ITGA8: variants seen among roughly 807,000 people sequenced by gnomAD.
ITGA8 encodes integrin alpha-8.
In ITGA8, 91 loss-of-function variants were observed where a neutral mutation model predicts 142.3. That is an observed-to-expected ratio of 0.64 (90% confidence interval 0.54 to 0.76). The LOEUF is 0.76. Ranked by LOEUF, ITGA8 falls within the 30% of genes least tolerant of loss-of-function variation. The pLI is 0.00. For missense variants in ITGA8, 1,406 were observed against 1,327.7 expected, an observed-to-expected ratio of 1.06 and a Z score of -0.92; for synonymous variants, 505 against 485.2, an observed-to-expected ratio of 1.04 and a Z score of -0.54.
chr10:15,589,419 G>GT (rs1285698035), intron 22 of ITGA8, among the ~76,000 whole-genome samples: 1 of 152,120 alleles, frequency 6.6e-6, no homozygotes, highest in Non-Finnish European at 1.5e-5. Flanking sequence ...TGTTTATGTC[G>GT]TGTAGAGTGA....
At chr10:15,603,437 A>G (rs370351866) in intron 20 of ITGA8, among the ~76,000 whole-genome samples, 1 of 152,216 alleles carries the variant, frequency 6.6e-6, no homozygotes, top group East Asian at 1.9e-4. Context: ...ATCCTATGAA[A>G]GGAAACGTGA....
intron 2 of ITGA8, among the ~76,000 whole-genome samples, chr10:15,709,530 A>G (rs143445919): frequency 7.9e-5 from 12 of 152,354 alleles, no homozygotes; most frequent in African/African-American, 2.9e-4. Context: ...GATGTTTGAC[A>G]CTACTTCATG....
intron 27 of ITGA8, among the ~76,000 whole-genome samples, chr10:15,538,134 A>G (rs890494775): frequency 2.4e-4 from 37 of 152,300 alleles, no homozygotes; most frequent in Middle Eastern, 3.4e-3. Flanking sequence ...AGAAAACAAT[A>G]AAAAGCAACA....
chr10:15,639,143 A>T (rs1833823915), intron 13 of ITGA8, among the ~76,000 whole-genome samples: 1 of 151,902 alleles, frequency 6.6e-6, no homozygotes, highest in South Asian at 2.1e-4. Flanking sequence ...AAAAAAAAAA[A>T]AAGTTGCCCC....
chr10:15,707,821 TAAA>T (rs570962683), intron 2 of ITGA8, among the ~76,000 whole-genome samples: 2 of 117,576 alleles, frequency 1.7e-5, no homozygotes, highest in Non-Finnish European at 1.8e-5. Flanking sequence ...AGTTTCCTTC[TAAA>T]AAAAAAAAAA....
intron 13 of ITGA8, among the ~76,000 whole-genome samples, chr10:15,642,686 T>C (rs1833892599): frequency 6.6e-6 from 1 of 152,222 alleles, no homozygotes; most frequent in Admixed American, 6.5e-5. Context: ...GAAGCATTAG[T>C]ATACGATATA....
intron 14 of ITGA8, among the ~76,000 whole-genome samples, chr10:15,614,221 T>G (rs1342969401): frequency 6.6e-6 from 1 of 152,222 alleles, no homozygotes; most frequent in Non-Finnish European, 1.5e-5. Context: ...ACTTGAAGTT[T>G]GCAAATTATC....
intron 21 of ITGA8, among the ~76,000 whole-genome samples, chr10:15,596,101 C>T (rs542155808): frequency 2.0e-5 from 3 of 152,266 alleles, no homozygotes; most frequent in East Asian, 1.9e-4. Context: ...ACTAGCAAAA[C>T]GATTCATTAC....
intron 13 of ITGA8, among the ~76,000 whole-genome samples, chr10:15,640,711 G>A (rs1400669350): frequency 6.6e-6 from 1 of 152,174 alleles, no homozygotes; most frequent in Non-Finnish European, 1.5e-5. Flanking sequence ...AGGTAGATAA[G>A]CCTGAGGGCA....
chr10:15,665,741 C>A, intron 8 of ITGA8, among the ~76,000 whole-genome samples: 1 of 152,160 alleles, frequency 6.6e-6, no homozygotes, highest in Non-Finnish European at 1.5e-5. Context: ...ATATGGCTAG[C>A]CAGTTTTCCC....
rs1833910295 is a variant in ITGA8, at chr10:15,557,738, C to T, written c.2766+336G>A. Reference sequence around the variant, plus strand: ...GCAGAACTCCAAGGGTCCATGCTCACTTCAAACTACCACAGCCCAGCATCT... The same window carrying T: ...GCAGAACTCCAAGGGTCCATGCTCATTTCAAACTACCACAGCCCAGCATCT... On this transcript the variant is annotated intron_variant, in intron 26 of 29. Transcript: ENST00000378076. 4.6e-5 allele frequency among the ~76,000 whole-genome samples: 7 copies of T among 152,308 alleles called. No homozygotes were observed. In the South Asian group the frequency reaches 1.5e-3, roughly 32 times the overall value.
chr10:15,690,420 C>T (rs1834912071), intron 2 of ITGA8, among the ~76,000 whole-genome samples: 1 of 152,224 alleles, frequency 6.6e-6, no homozygotes, highest in African/African-American at 2.4e-5. Context: ...ATAGCTCCAT[C>T]CCTGCCTCCT....
At chr10:15,674,124 A>C (rs1317293759) in intron 6 of ITGA8, among the ~76,000 whole-genome samples, 1 of 152,216 alleles carries the variant, frequency 6.6e-6, no homozygotes, top group Non-Finnish European at 1.5e-5. Flanking sequence ...GATCATAAAT[A>C]TTGCCAAGTG....
chr10:15,658,646 A>G (rs1834230416), intron 10 of ITGA8, among the ~76,000 whole-genome samples: 1 of 152,190 alleles, frequency 6.6e-6, no homozygotes, highest in African/African-American at 2.4e-5. Flanking sequence ...GGCACCTCAG[A>G]GGCCTCCTGA....
intron 24 of ITGA8, 49 bp downstream of exon 24, chr10:15,575,440 G>A (rs781526873): frequency 8.2e-7 from 1 of 1,225,150 alleles, no homozygotes. Flanking sequence ...TATTTGCACA[G>A]AGCTTAAGAA....
intron 28 of ITGA8, among the ~76,000 whole-genome samples, chr10:15,528,261 T>C (rs907676008): frequency 1.8e-4 from 27 of 152,072 alleles, no homozygotes; most frequent in African/African-American, 6.5e-4. Flanking sequence ...AAGAGAAGAA[T>C]GGCAAAGCCT....
chr10:15,614,912 T>A (rs1833365543), intron 14 of ITGA8, among the ~76,000 whole-genome samples: 1 of 151,848 alleles, frequency 6.6e-6, no homozygotes, highest in Admixed American at 6.6e-5. Context: ...TATACTGGGA[T>A]CAAACACTTA....
At chr10:15,715,003 T>C (rs1835425176) in intron 2 of ITGA8, among the ~76,000 whole-genome samples, 2 of 152,168 alleles carry the variant, frequency 1.3e-5, no homozygotes, top group South Asian at 2.1e-4. Flanking sequence ...AGATGAATAT[T>C]TGCAATATAC....
chr10:15,663,290 C>A (rs1834324331), intron 8 of ITGA8, among the ~76,000 whole-genome samples: 1 of 152,042 alleles, frequency 6.6e-6, no homozygotes, highest in South Asian at 2.1e-4. Flanking sequence ...AATCCATTTT[C>A]AGATATTTTA....
Sources: gnomAD v4.1 joint callset for allele counts (sites outside exome capture counted in the v4.1 genomes callset) on GRCh38, gnomAD v4.1.1 for gene constraint, MANE v1.5 for transcripts, NCBI Gene and HGNC (gene_info 2026-07-23, HGNC 2026-07-21) for gene names.